The following THSD7B variants were observed in gnomAD, a reference collection of about 807,000 sequenced individuals.
THSD7B encodes thrombospondin type 1 domain containing 7B.
A neutral mutation model predicts 213.6 loss-of-function variants in THSD7B; 138 were observed. The ratio of observed to expected loss-of-function variants is 0.65; its 90% CI spans 0.56 to 0.74. The LOEUF (loss-of-function observed/expected upper bound fraction) is 0.74. Among genes scored for constraint, THSD7B ranks in the 30% least tolerant of loss-of-function variants. The pLI, the probability that THSD7B is intolerant of heterozygous loss-of-function variation, is 0.00. For missense variants in THSD7B, 1,931 were observed against 1,991.5 expected (o/e 0.97, Z 0.58); for synonymous variants, 742 against 687.0 (o/e 1.08, Z -1.25).
intron 2 of THSD7B, among the ~76,000 whole-genome samples, chr2:136,961,910 G>C (rs936164612): frequency 7.9e-5 from 12 of 152,326 alleles, no homozygotes; most frequent in African/African-American, 2.6e-4. Context: ...AATGCCCTCT[G>C]TCATCACCAA....
intron 12 of THSD7B, among the ~76,000 whole-genome samples, chr2:137,347,060 A>G (rs371933583): frequency 2.0e-5 from 3 of 151,686 alleles, no homozygotes; most frequent in East Asian, 1.9e-4. Context: ...AAGGATTCCA[A>G]TATCCCCACA....
intron 14 of THSD7B, among the ~76,000 whole-genome samples, chr2:137,435,099 ATC>A (rs1370091284): frequency 6.6e-6 from 1 of 152,104 alleles, no homozygotes; most frequent in East Asian, 1.9e-4. Flanking sequence ...TTCCCCTCAT[ATC>A]TAAGACTATC....
chr2:137,170,772 G>T lies in THSD7B; in HGVS notation c.1557G>T (p.Met519Ile). Reference sequence around the variant, plus strand: ...GAACGAGGCAGCGCCATGTCCTCATGGAATCTACAGGGCCTGCAGGGCATT... The same window carrying T: ...GAACGAGGCAGCGCCATGTCCTCATTGAATCTACAGGGCCTGCAGGGCATT... The part of the protein sequence containing the change: ...GFRTRQRHVL[M>I]ESTGPAGHCP... Residue 519 changes from methionine (M) to isoleucine (I), a missense_variant, in exon 7 of 28, where the codon ATG becomes ATT. Met to Ile is a conservative substitution (Grantham distance 10). Transcript: ENST00000409968. 6.2e-7 allele frequency: 1 copy of T among 1,613,602 alleles called. No individual in the cohort carries two copies. The highest frequency in any genetic ancestry group is 2.2e-5 in the East Asian group (1 of 44,854).
intron 15 of THSD7B, among the ~76,000 whole-genome samples, chr2:137,559,120 G>T (rs1048230020): frequency 6.6e-6 from 1 of 152,074 alleles, no homozygotes; most frequent in South Asian, 2.1e-4. Flanking sequence ...AATCAATATC[G>T]TGAAAATGGC....
At chr2:137,523,745 A>C (rs544432795) in intron 15 of THSD7B, among the ~76,000 whole-genome samples, 2 of 152,034 alleles carry the variant, frequency 1.3e-5, no homozygotes, top group Non-Finnish European at 2.9e-5. Context: ...GTGCTGTTTC[A>C]TGACCTAGTT....
Position 137,659,655 on chromosome 2 carries a change from C to T in THSD7B, c.4376-9C>T, listed in dbSNP as rs868665518. 1 of 1,586,250 alleles carries T rather than the reference C, an allele frequency of 6.3e-7. No homozygotes were observed. The highest frequency in any genetic ancestry group is 1.2e-5 in the South Asian group (1 of 85,972). ...AAATCTGCAAATGATGGTGGAATTT[C>T]CTTTGCAGGAGGCTGCTCCCCTCAG... On this transcript the variant is annotated splice_polypyrimidine_tract_variant and intron_variant, in intron 24 of 27. Coordinates refer to ENST00000409968, the MANE Select transcript of THSD7B (RefSeq NM_001316349.2).
intron 1 of THSD7B, among the ~76,000 whole-genome samples, chr2:136,815,398 G>A (rs1293164894): frequency 2.0e-5 from 3 of 152,126 alleles, no homozygotes; most frequent in African/African-American, 7.2e-5. Context: ...TTAATAAGAT[G>A]TTGTTTCTCC....
intron 12 of THSD7B, among the ~76,000 whole-genome samples, chr2:137,287,414 A>G (rs1250632798): frequency 6.6e-6 from 1 of 152,092 alleles, no homozygotes; most frequent in East Asian, 1.9e-4. Context: ...CAGAACAAAG[A>G]TTGCATTTTA....
intron 16 of THSD7B, 137 bp from the exon 17 acceptor site, chr2:137,572,268 AG>A: frequency 1.0e-6 from 1 of 982,802 alleles, no homozygotes; most frequent in Non-Finnish European, 1.5e-6. Context: ...AAAGGAGGAA[AG>A]TTTTGTTCCC....
chr2:137,240,657 T>G (rs757661051), intron 9 of THSD7B, among the ~76,000 whole-genome samples: 7 of 152,080 alleles, frequency 4.6e-5, no homozygotes, highest in Non-Finnish European at 1.0e-4. Context: ...ACTACAGGCA[T>G]GTACCCCCAT....
chr2:137,406,883 T>C (rs1031831785), intron 13 of THSD7B, among the ~76,000 whole-genome samples: 9 of 152,188 alleles, frequency 5.9e-5, no homozygotes, highest in African/African-American at 2.2e-4. Context: ...TACAACAAAT[T>C]TCTCATAGAA....
chr2:137,332,160 T>G (rs1370433339), intron 12 of THSD7B, among the ~76,000 whole-genome samples: 1 of 151,534 alleles, frequency 6.6e-6, no homozygotes, highest in Non-Finnish European at 1.5e-5. Flanking sequence ...GCCAGCACCC[T>G]GTCACCTCTC....
chr2:137,546,463 AATATATATATATATAATATAT>A (rs1448543842), intron 15 of THSD7B, among the ~76,000 whole-genome samples: 1 of 20,772 alleles, frequency 4.8e-5, no homozygotes, highest in Non-Finnish European at 7.2e-5. Context: ...TATTATATAT[AATATATATATATATAATATAT>A]ATATATATAT....
At chr2:137,015,877 C>T (rs755339017) in intron 2 of THSD7B, among the ~76,000 whole-genome samples, 2 of 152,112 alleles carry the variant, frequency 1.3e-5, no homozygotes, top group Non-Finnish European at 2.9e-5. Flanking sequence ...ACACAGAGCT[C>T]AGTTCCCCTT....
chr2:137,493,322 CT>C (rs1679478445), intron 15 of THSD7B, among the ~76,000 whole-genome samples: 1 of 151,942 alleles, frequency 6.6e-6, no homozygotes, highest in African/African-American at 2.4e-5. Context: ...TTCTCTAACC[CT>C]TTGTAGAGTG....
intron 5 of THSD7B, among the ~76,000 whole-genome samples, chr2:137,142,806 CATTT>C (rs1679616737): frequency 1.3e-5 from 2 of 151,972 alleles, no homozygotes; most frequent in Non-Finnish European, 2.9e-5. Flanking sequence ...TGTTATATGA[CATTT>C]ATTAAGTAAG....
chr2:137,381,066 A>T (rs1685763286), intron 12 of THSD7B, among the ~76,000 whole-genome samples: 1 of 152,224 alleles, frequency 6.6e-6, no homozygotes, highest in Admixed American at 6.5e-5. Context: ...GACTCCCCTC[A>T]GAACTCAGTT....
intron 7 of THSD7B, among the ~76,000 whole-genome samples, chr2:137,195,234 G>GTATATATATA (rs148274457): frequency 3.4e-5 from 5 of 146,096 alleles, no homozygotes; most frequent in African/African-American, 1.3e-4. Context: ...ATGTATGTGT[G>GTATATATATA]TATATATATA....
intron 5 of THSD7B, among the ~76,000 whole-genome samples, chr2:137,134,581 G>A (rs1352230393): frequency 6.6e-6 from 1 of 152,132 alleles, no homozygotes; most frequent in African/African-American, 2.4e-5. Context: ...CCAGGGTCTG[G>A]CCTTCCATAG....
Sources: allele counts gnomAD v4.1 joint callset (sites outside exome capture counted in the v4.1 genomes callset), GRCh38; gene constraint gnomAD v4.1.1; transcripts MANE v1.5; gene names NCBI Gene and HGNC (gene_info 2026-07-23, HGNC 2026-07-21).